The following PCNT variants were observed in gnomAD, a reference collection of about 807,000 sequenced individuals.
PCNT encodes pericentrin.
In PCNT, 319 loss-of-function variants were observed where a neutral mutation model predicts 380.4. The ratio of observed to expected loss-of-function variants is 0.84; its 90% CI spans 0.77 to 0.92. The LOEUF (loss-of-function observed/expected upper bound fraction) is 0.92. Among genes scored for constraint, PCNT ranks in the 40% least tolerant of loss-of-function variants. The probability of loss-of-function intolerance (pLI) is 0.00; values close to 1 mark genes in which losing one functional copy is unlikely to be tolerated. For missense variants in PCNT, 4,400 were observed against 4,255.3 expected (o/e 1.03, Z -0.95); for synonymous variants, 1,845 against 1,735.2 (o/e 1.06, Z -1.57).
intron 19 of PCNT, among the ~76,000 whole-genome samples, chr21:46,389,969 C>CAG (rs2085975441): frequency 6.6e-6 from 1 of 152,156 alleles, no homozygotes; most frequent in African/African-American, 2.4e-5. Context: ...TCTGAATGTG[C>CAG]AGAGATGTCT....
intron 8 of PCNT, 65 bp from the exon 9 acceptor site, chr21:46,351,364 C>A: frequency 1.2e-6 from 1 of 866,782 alleles, no homozygotes; most frequent in Non-Finnish European, 2.0e-6. Context: ...AAACCGCACA[C>A]GTCACTGCTG....
At chr21:46,383,334 A>G (rs11701839) in intron 16 of PCNT, among the ~76,000 whole-genome samples, 87,247 of 130,990 alleles carry the variant, frequency 0.67, 31,253 homozygotes, top group African/African-American at 0.79. Context: ...TGGCAGAAGC[A>G]CATTCACGGT....
chr21:46,441,583 C>G (rs760355016), intron 43 of PCNT, among the ~76,000 whole-genome samples: 1 of 152,106 alleles, frequency 6.6e-6, no homozygotes, highest in Non-Finnish European at 1.5e-5. Context: ...GGCGAGGCCT[C>G]CTGGGTTGCT....
Position 46,357,078 on chromosome 21 carries a change from C to G in PCNT, c.2041C>G (p.Leu681Val), listed in dbSNP as rs2084506316. 2.5e-6 allele frequency: 4 copies of G among 1,614,062 alleles called. No individual in the cohort carries two copies. The Middle Eastern group carries it at 5.0e-4, about 200-fold the overall frequency. ...TCTGGAAACTGAGCACAAGGTGCAA[C>G]TTTCGCTTCTTCAGACTGAGCTCAA... ...LGLETEHKVQ[L>V]SLLQTELKEE... The change falls in exon 13 of 47, where the codon CTT (leucine) becomes GTT (valine). Residue 681 changes from leucine (L) to valine (V), a missense_variant. Coordinates refer to ENST00000359568, the MANE Select transcript of PCNT (RefSeq NM_006031.6).
Position 46,418,315 on chromosome 21 carries a change from GTTATCTTTCATTT to G in PCNT, c.7024+13_7024+25del, listed in dbSNP as rs766182122. ...TGATAGAAGTGAGAAAAGTGAGTTG[GTTATCTTTCATTT>G]TTAATTTTTTATTTCAGTGGTTTCC... On this transcript the variant is annotated intron_variant, in intron 31 of 46. Transcript: ENST00000359568. 1.4e-6 allele frequency: 2 copies of G among 1,456,320 alleles called. No homozygotes were observed. The highest frequency in any genetic ancestry group is 2.3e-5 in the South Asian group (2 of 87,634). 90.2% of individuals were successfully genotyped at this position (1,456,320 alleles called of 1,614,324 possible).
chr21:46,401,758 G>C (rs1380068291), intron 26 of PCNT, 37 bp downstream of exon 26: 1 of 1,610,114 alleles, frequency 6.2e-7, no homozygotes, highest in African/African-American at 1.3e-5. Flanking sequence ...TGCCAGCCCT[G>C]GGTCAGTGTC....
chr21:46,416,198 A>G lies in PCNT; in HGVS notation c.6280A>G (p.Thr2094Ala). The G allele has an allele frequency of 6.2e-7, 1 of 1,614,214 alleles. No individual in the cohort carries two copies. The highest frequency in any genetic ancestry group is 8.5e-7 in the Non-Finnish European group (1 of 1,180,036). Reference sequence around the variant, plus strand: ...CTTCCAGAATGTGGATGCTGCCGACACCAAATCTCTGTGGCCCATGGCCTC... The same window carrying G: ...CTTCCAGAATGTGGATGCTGCCGACGCCAAATCTCTGTGGCCCATGGCCTC... ...MTFQNVDAAD[T>A]KSLWPMASAH... Residue 2094 changes from threonine to alanine, a missense_variant, in exon 30 of 47, where the codon ACC (threonine) becomes GCC (alanine). Thr to Ala is a moderately conservative substitution (Grantham distance 58). Transcript: ENST00000359568.
At position 46,396,107 on chromosome 21, in the gene PCNT, A is replaced by G. The variant is rs190760262; in HGVS notation, c.4217-1158A>G. Among the ~76,000 whole-genome samples the G allele has an allele frequency of 1.9e-3, 295 of 152,338 alleles. 1 individual carries two copies. Among genetic ancestry groups the G allele is most frequent in the African/African-American group, 6.9e-3 (287 of 41,582 alleles). Reference sequence around the variant, plus strand: ...TCCATCTCAGAAATAATAATAATAAAATGGAGGCTTCAGGACTTAGCAGCA... The same window carrying G: ...TCCATCTCAGAAATAATAATAATAAGATGGAGGCTTCAGGACTTAGCAGCA... On this transcript the variant is annotated intron_variant, in intron 21 of 46. Transcript: ENST00000359568.
chr21:46,439,508 T>G (rs1478591685), intron 41 of PCNT, among the ~76,000 whole-genome samples: 1 of 152,210 alleles, frequency 6.6e-6, no homozygotes, highest in Non-Finnish European at 1.5e-5. Context: ...TCCCGTACAC[T>G]CTTAAGTCAT....
At position 46,363,666 on chromosome 21, in the gene PCNT, G is replaced by T; in HGVS notation, c.2341G>T (p.Glu781Ter). The change falls in exon 14 of 47, where the codon GAG becomes TAG. Residue 781 changes from glutamate to a stop codon, truncating the protein, a stop_gained. Transcript: ENST00000359568. LOFTEE classifies it high-confidence loss of function. The part of the protein sequence containing the change: ...LLELREKAES[E>*]KQTIINKFEL... ...TGAACTGAGAGAAAAGGCTGAATCC[G>T]AGAAACAGACCATCATAAACAAGTT... 4.3e-6 allele frequency: 7 copies of T among 1,614,216 alleles called. No individual in the cohort carries two copies. The highest frequency in any genetic ancestry group is 1.1e-5 in the South Asian group (1 of 91,088).
chr21:46,374,017 TGCGCC>T (rs2085250113), intron 15 of PCNT, among the ~76,000 whole-genome samples: 1 of 152,162 alleles, frequency 6.6e-6, no homozygotes, highest in Non-Finnish European at 1.5e-5. Flanking sequence ...CGTGAGCCAC[TGCGCC>T]CGGCCGCTCA....
rs755273311 is a variant in PCNT, at chr21:46,431,758, G to A, written c.8294G>A (p.Arg2765Gln). 1.8e-5 allele frequency: 29 copies of A among 1,612,550 alleles called. No individual in the cohort carries two copies. Among genetic ancestry groups the A allele is most frequent in the Admixed American group, 1.7e-5 (1 of 59,996 alleles). ...CTGTCAGAGGCCTTGCGGCACGAGCGGCTCCTGACCGAGCAGCTGAGCCAG... is the reference window on the plus strand; with the variant it reads ...CTGTCAGAGGCCTTGCGGCACGAGCAGCTCCTGACCGAGCAGCTGAGCCAG... ...LELSEALRHE[R>Q]LLTEQLSQRT... The change falls in exon 38 of 47, where the codon CGG (arginine) becomes CAG (glutamine). Residue 2765 changes from arginine (R) to glutamine (Q), a missense_variant. Coordinates refer to ENST00000359568, the MANE Select transcript of PCNT (RefSeq NM_006031.6).
At chr21:46,438,042 C>T in intron 40 of PCNT, 122 bp from the exon 41 acceptor site, 1 of 817,364 alleles carries the variant, frequency 1.2e-6, no homozygotes. Flanking sequence ...GCTCCACAAG[C>T]TTCTCATTGA....
intron 1 of PCNT, among the ~76,000 whole-genome samples, chr21:46,324,683 C>G (rs2083303774): frequency 6.6e-6 from 1 of 151,932 alleles, no homozygotes; most frequent in Admixed American, 6.5e-5. Flanking sequence ...GGCGCTGGAC[C>G]CCAGGCTGGA....
At chr21:46,390,474 G>A (rs1436011478) in intron 19 of PCNT, among the ~76,000 whole-genome samples, 196 bp from the exon 20 acceptor site, 2 of 152,044 alleles carry the variant, frequency 1.3e-5, no homozygotes, top group Non-Finnish European at 2.9e-5. Flanking sequence ...GCTGAGGAGG[G>A]GTCCTCATTG....
chr21:46,380,874 A>C (rs1420364312), intron 15 of PCNT, among the ~76,000 whole-genome samples: 1 of 152,068 alleles, frequency 6.6e-6, no homozygotes, highest in African/African-American at 2.4e-5. Context: ...TTATTTCATT[A>C]ATTTAATTGG....
At chr21:46,438,464 C>T (rs957048078) in intron 41 of PCNT, 127 bp downstream of exon 41, 11 of 802,750 alleles carry the variant, frequency 1.4e-5, no homozygotes, top group Admixed American at 4.1e-5. Context: ...TCTCCCTAAC[C>T]GCCAGGCTCT....
Position 46,367,062 on chromosome 21 carries a change from G to A in PCNT, c.3088G>A (p.Val1030Met). The A allele has an allele frequency of 6.2e-7, 1 of 1,614,002 alleles. No individual in the cohort carries two copies. Among genetic ancestry groups the A allele is most frequent in the Non-Finnish European group, 8.5e-7 (1 of 1,180,024 alleles). ...KRKHEGELQS[V>M]RDHLRTEVST... is the part of the protein sequence containing the mutation. ...GAAACACGAAGGGGAGCTACAGTCTGTGCGGGACCACCTGCGAACCGAAGT... is the reference window on the plus strand; with the variant it reads ...GAAACACGAAGGGGAGCTACAGTCTATGCGGGACCACCTGCGAACCGAAGT... The change falls in exon 15 of 47, where the codon GTG becomes ATG. Residue 1030 changes from valine to methionine, a missense_variant. By Grantham distance (21) the Val-to-Met change is conservative. Coordinates refer to ENST00000359568, the MANE Select transcript of PCNT (RefSeq NM_006031.6).
chr21:46,415,510 G>C lies in PCNT; in HGVS notation c.6151-559G>C, dbSNP rs1391677396. 6.0e-5 allele frequency among the ~76,000 whole-genome samples: 9 copies of C among 150,972 alleles called. No homozygotes were observed. In the South Asian group the frequency reaches 1.9e-3, roughly 32 times the overall value. On this transcript the variant is annotated intron_variant, in intron 29 of 46. Transcript: ENST00000359568. The stretch of plus-strand genomic sequence containing the variant: ...AAGCAATTCACTGCCTCAGCCTCCC[G>C]AGTAGCTAGGATTACAGGCACCCGC...
Sources: gnomAD v4.1 joint callset for allele counts (sites outside exome capture counted in the v4.1 genomes callset) on GRCh38, gnomAD v4.1.1 for gene constraint, MANE v1.5 for transcripts, NCBI Gene and HGNC (gene_info 2026-07-23, HGNC 2026-07-21) for gene names.